Variants in DPYD observed in about 807,000 individuals in gnomAD.
The protein encoded by DPYD is dihydropyrimidine dehydrogenase.
A neutral mutation model predicts 116.2 loss-of-function variants in DPYD; 109 were observed. The observed-to-expected ratio is 0.94, with a 90% confidence interval of 0.80 to 1.10. DPYD has a LOEUF of 1.10. Among genes scored for constraint, DPYD ranks in the 50% least tolerant of loss-of-function variants. DPYD has a pLI of 0.00. For missense variants in DPYD, 1,302 were observed against 1,254.5 expected (o/e 1.04, Z -0.57); for synonymous variants, 440 against 432.0 (o/e 1.02, Z -0.23).
At chr1:97,178,454 T>C (rs1368183129) in intron 20 of DPYD, among the ~76,000 whole-genome samples, 2 of 152,106 alleles carry the variant, frequency 1.3e-5, no homozygotes, top group African/African-American at 4.8e-5. Flanking sequence ...CCTTACATGG[T>C]GGCAGGCAAG....
At chr1:97,728,535 T>G (rs1286780740) in intron 4 of DPYD, among the ~76,000 whole-genome samples, 1 of 152,072 alleles carries the variant, frequency 6.6e-6, no homozygotes, top group Non-Finnish European at 1.5e-5. Flanking sequence ...AGTCTTCATA[T>G]CACTACAAGA....
intron 14 of DPYD, among the ~76,000 whole-genome samples, chr1:97,440,472 T>C (rs887091784): frequency 3.3e-5 from 5 of 152,270 alleles, no homozygotes; most frequent in Admixed American, 2.6e-4. Flanking sequence ...CCATTATATA[T>C]TGATTGTTGG....
chr1:97,217,317 G>A (rs1660476077), intron 19 of DPYD, among the ~76,000 whole-genome samples: 1 of 152,192 alleles, frequency 6.6e-6, no homozygotes, highest in Non-Finnish European at 1.5e-5. Flanking sequence ...CATGCTCCCT[G>A]TTTAGACAGA....
intron 19 of DPYD, among the ~76,000 whole-genome samples, chr1:97,215,992 C>G (rs182700514): frequency 6.6e-6 from 1 of 152,294 alleles, no homozygotes; most frequent in East Asian, 1.9e-4. Context: ...TAACTACACA[C>G]TATTGATCTA....
intron 5 of DPYD, among the ~76,000 whole-genome samples, chr1:97,713,928 ATAGTT>A (rs1192387433): frequency 6.6e-6 from 1 of 152,114 alleles, no homozygotes; most frequent in African/African-American, 2.4e-5. Flanking sequence ...TCTAACAAAT[ATAGTT>A]TAATCTATAT....
chr1:97,353,882 C>T (rs1670279052), intron 16 of DPYD, among the ~76,000 whole-genome samples: 1 of 152,148 alleles, frequency 6.6e-6, no homozygotes, highest in East Asian at 1.9e-4. Context: ...GGGATTACTT[C>T]TTTAAAATTC....
At chr1:97,178,039 T>A (rs928800319) in intron 20 of DPYD, among the ~76,000 whole-genome samples, 1 of 152,084 alleles carries the variant, frequency 6.6e-6, no homozygotes, top group Admixed American at 6.6e-5. Context: ...CCTAATAGCA[T>A]CACCTTGGCA....
intron 13 of DPYD, among the ~76,000 whole-genome samples, chr1:97,515,303 G>T (rs1023923330): frequency 1.3e-5 from 2 of 151,730 alleles, no homozygotes; most frequent in African/African-American, 4.8e-5. Context: ...AATTTATAAA[G>T]AATCTATCTT....
At chr1:97,767,292 T>C (rs976810241) in intron 3 of DPYD, among the ~76,000 whole-genome samples, 1 of 152,186 alleles carries the variant, frequency 6.6e-6, no homozygotes, top group African/African-American at 2.4e-5. Context: ...TTGATAGACT[T>C]GAGACAAAAT....
At chr1:97,250,808 T>C (rs1027030281) in intron 18 of DPYD, among the ~76,000 whole-genome samples, 1 of 152,150 alleles carries the variant, frequency 6.6e-6, no homozygotes. Flanking sequence ...AAGAGAACTT[T>C]CTGGTGTGAA....
intron 14 of DPYD, among the ~76,000 whole-genome samples, chr1:97,412,675 T>C (rs1674076377): frequency 6.6e-6 from 1 of 152,206 alleles, no homozygotes; most frequent in Non-Finnish European, 1.5e-5. Flanking sequence ...TTTTGGGTCA[T>C]TAAATGCATC....
At chr1:97,427,617 T>C (rs1038432190) in intron 14 of DPYD, among the ~76,000 whole-genome samples, 1 of 151,892 alleles carries the variant, frequency 6.6e-6, no homozygotes, top group Admixed American at 6.6e-5. Context: ...CGGTCTTGTG[T>C]TCCCCAGCTC....
At chr1:97,720,697 T>A in intron 5 of DPYD, 1 of 1,398,014 alleles carries the variant, frequency 7.2e-7, no homozygotes, top group Non-Finnish European at 9.3e-7. Flanking sequence ...GATCAGTAAG[T>A]CATTAACTAA....
At chr1:97,455,851 A>AT (rs1676653370) in intron 13 of DPYD, among the ~76,000 whole-genome samples, 1 of 151,906 alleles carries the variant, frequency 6.6e-6, no homozygotes, top group South Asian at 2.1e-4. Context: ...AATAAATCAT[A>AT]TTTTTCTCTT....
chr1:97,857,465 A>G (rs1262240509), intron 2 of DPYD, among the ~76,000 whole-genome samples: 1 of 152,172 alleles, frequency 6.6e-6, no homozygotes, highest in African/African-American at 2.4e-5. Context: ...GAGCTGAAGG[A>G]CAAGCTGATT....
chr1:97,544,224 A>G (rs1282472058), intron 12 of DPYD, among the ~76,000 whole-genome samples: 1 of 152,180 alleles, frequency 6.6e-6, no homozygotes, highest in African/African-American at 2.4e-5. Context: ...GTTAATGACA[A>G]TGTGGAGAGA....
intron 8 of DPYD, among the ~76,000 whole-genome samples, chr1:97,674,680 AC>A (rs1660047102): frequency 6.6e-6 from 1 of 151,778 alleles, no homozygotes; most frequent in African/African-American, 2.4e-5. Context: ...AAGGAACTAT[AC>A]CCATGTCCAG....
intron 20 of DPYD, among the ~76,000 whole-genome samples, chr1:97,148,173 T>C (rs1211285810): frequency 6.6e-6 from 1 of 151,974 alleles, no homozygotes; most frequent in Non-Finnish European, 1.5e-5. Context: ...CAGAGGTCTC[T>C]GTCTCTGGGG....
chr1:97,161,345 A>G (rs369540311), intron 20 of DPYD, among the ~76,000 whole-genome samples: 215 of 152,226 alleles, frequency 1.4e-3, no homozygotes, highest in Middle Eastern at 6.8e-3. Context: ...GGGCAATGCA[A>G]CCCATCATTC....
Sources: allele counts gnomAD v4.1 joint callset (sites outside exome capture counted in the v4.1 genomes callset), GRCh38; gene constraint gnomAD v4.1.1; transcripts MANE v1.5; gene names NCBI Gene and HGNC (gene_info 2026-07-23, HGNC 2026-07-21).